Variants in STK35 observed in about 807,000 individuals in gnomAD.
The protein encoded by STK35 is serine/threonine kinase 35, also known as serine/threonine-protein kinase 35.
STK35 carries 17 observed loss-of-function variants against 37.3 expected under a neutral mutation model. The observed-to-expected ratio is 0.46, with a 90% CI of 0.31 to 0.68. STK35 has a LOEUF of 0.68. Among genes scored for constraint, STK35 ranks in the 30% least tolerant of loss-of-function variants. STK35 has a pLI of 0.05. For synonymous variants in STK35, 385 were observed against 319.1 expected (o/e 1.21, Z -2.20); for missense variants, 595 against 746.7 (o/e 0.80, Z 2.37).
intron 3 of STK35, among the ~76,000 whole-genome samples, chr20:2,129,604 A>T (rs959429150): frequency 2.6e-5 from 4 of 152,194 alleles, no homozygotes; most frequent in African/African-American, 9.7e-5. Flanking sequence ...TATTAATAAC[A>T]CATGGGTGAA....
At chr20:2,106,015 G>A (rs1410966408) in intron 2 of STK35, among the ~76,000 whole-genome samples, 3 of 152,198 alleles carry the variant, frequency 2.0e-5, no homozygotes, top group African/African-American at 7.2e-5. Context: ...ACAGAGCAGT[G>A]AAGAAAATAT....
Position 2,117,237 on chromosome 20 carries a change from G to A in STK35, c.1464G>A (p.Leu488=). The A allele has an allele frequency of 1.2e-6, 2 of 1,614,126 alleles. No individual in the cohort carries two copies. Among genetic ancestry groups the A allele is most frequent in the Non-Finnish European group, 1.7e-6 (2 of 1,180,022 alleles). ...EALLENPKME[L]HIPQKRRTSM... is the part of the protein sequence containing the mutation. ...TGCTAGAAAACCCAAAGATGGAGTT[G>A]CACATCCCCCAAAAACGCAGGACTT... Residue 488 remains leucine (L), a synonymous_variant, in exon 3 of 4, where the codon TTG becomes TTA. Coordinates refer to ENST00000381482, the MANE Select transcript of STK35 (RefSeq NM_080836.4). This position sits in a 1 kb window ranked among gnomAD's most constrained non-coding sequence, Gnocchi z 4.4.
rs759747234 is a variant in STK35 at position 2,116,953 on chromosome 20, C to T, written c.1180C>T (p.Arg394Ter). The T allele has an allele frequency of 2.5e-6, 4 of 1,613,944 alleles. No individual in the cohort carries two copies. The highest frequency in any genetic ancestry group is 3.4e-6 in the Non-Finnish European group (4 of 1,180,022). ...LSKVCAGLAP[R>*]GKEGNQDNKN... ...CAAGGTCTGTGCTGGGCTGGCACCC[C>T]GAGGCAAAGAGGGCAATCAAGACAA... Residue 394 changes from arginine to a stop codon, truncating the protein, a stop_gained, in exon 3 of 4, where the codon CGA becomes TGA. Transcript: ENST00000381482. LOFTEE classifies it high-confidence loss of function.
chr20:2,130,788 C>A (rs1047055925), intron 3 of STK35, among the ~76,000 whole-genome samples: 1 of 152,098 alleles, frequency 6.6e-6, no homozygotes, highest in Non-Finnish European at 1.5e-5. Context: ...TGCAAGCACC[C>A]GGAGCTGAGG....
chr20:2,124,321 G>A (rs541973523), intron 3 of STK35, among the ~76,000 whole-genome samples: 1 of 152,246 alleles, frequency 6.6e-6, no homozygotes, highest in East Asian at 1.9e-4. Flanking sequence ...GTAGAAGCAA[G>A]GAAGGTTCTT....
At position 2,103,142 on chromosome 20, in the gene STK35, C is replaced by A. The variant is rs759547341; in HGVS notation, c.669C>A (p.Arg223=). The A allele has an allele frequency of 1.2e-6, 2 of 1,604,880 alleles. No individual in the cohort carries two copies. The highest frequency in any genetic ancestry group is 3.3e-5 in the Admixed American group (2 of 59,784). The part of the protein sequence containing the change: ...YGVVYEAVAG[R]SGARVAVKKI... ...TGGTTTATGAGGCAGTGGCCGGGCG[C>A]AGCGGGGCCCGGGTGGCGGTCAAGA... Residue 223 remains arginine (R), a synonymous_variant, in exon 2 of 4, where the codon CGC becomes CGA. Coordinates refer to ENST00000381482, the MANE Select transcript of STK35 (RefSeq NM_080836.4).
At position 2,102,978 on chromosome 20, in the gene STK35, G is replaced by T; in HGVS notation, c.505G>T (p.Ala169Ser). The T allele has an allele frequency of 7.1e-7, 1 of 1,417,990 alleles. No individual in the cohort carries two copies. Among genetic ancestry groups the T allele is most frequent in the East Asian group, 3.0e-5 (1 of 33,094 alleles). The allele number at this position is 1,417,990 out of a possible 1,614,324, so 87.8% of individuals were successfully genotyped here. A position where few individuals can be genotyped will look rare whatever the true frequency, so the allele number is the denominator to read the frequency against. The change falls in exon 2 of 4, where the codon GCG becomes TCG. Residue 169 changes from alanine (A) to serine (S), a missense_variant. Ala to Ser is a moderately conservative substitution (Grantham distance 99, BLOSUM62 1). Around this residue, in one of 3 missense-constraint regions of STK35, gnomAD observed 389 missense variants for 320.0 expected, o/e 1.22. Transcript: ENST00000381482. ...CAGCACGAAGCTGAGGCCGGCGGCG[G>T]CGGCCCGGGCCATGGATCCGGTGGC... is the stretch of plus-strand genomic sequence containing the variant. ...APSTKLRPAAAARAMDPVAAE... is the reference protein window; with the variant it reads ...APSTKLRPAASARAMDPVAAE...
chr20:2,127,029 C>A (rs1175240980), intron 3 of STK35, among the ~76,000 whole-genome samples: 1 of 152,088 alleles, frequency 6.6e-6, no homozygotes, highest in Non-Finnish European at 1.5e-5. Context: ...TTGGGGAAGT[C>A]GCCTTATGAA....
In STK35 at chr20:2,117,003, C is replaced by G. The variant is rs367951316; in HGVS notation, c.1230C>G (p.Tyr410Ter). ...QDNKNVNVNK[Y>*]WLSSACGSDF... is the part of the protein sequence containing the mutation. ...ACAAAAATGTGAATGTGAATAAGTA[C>G]TGGCTGTCCTCAGCCTGCGGTTCGG... is the stretch of plus-strand genomic sequence containing the variant. Residue 410 changes from tyrosine (Y) to a stop codon, truncating the protein, a stop_gained, in exon 3 of 4, where the codon TAC becomes TAG. Coordinates refer to ENST00000381482, the MANE Select transcript of STK35 (RefSeq NM_080836.4). LOFTEE classifies it high-confidence loss of function. The surrounding 1 kb of genome is among the most constrained non-coding windows in gnomAD (Gnocchi z 4.4). 6.2e-7 allele frequency: 1 copy of G among 1,614,198 alleles called. No homozygotes were observed. Among genetic ancestry groups the G allele is most frequent in the Non-Finnish European group, 8.5e-7 (1 of 1,180,038 alleles).
chr20:2,139,126 A>C (rs1023460156), intron 3 of STK35, among the ~76,000 whole-genome samples: 3 of 152,214 alleles, frequency 2.0e-5, no homozygotes, highest in Non-Finnish European at 4.4e-5. Flanking sequence ...CTGTGCCTGC[A>C]GGCTGAGGAG....
intron 2 of STK35, among the ~76,000 whole-genome samples, chr20:2,110,690 G>A (rs928568658): frequency 2.6e-5 from 4 of 152,152 alleles, no homozygotes; most frequent in African/African-American, 9.7e-5. Flanking sequence ...TTGCTGAATT[G>A]CTGAAGTGTG....
At chr20:2,114,186 G>A (rs1328508004) in intron 2 of STK35, among the ~76,000 whole-genome samples, 1 of 152,098 alleles carries the variant, frequency 6.6e-6, no homozygotes, top group African/African-American at 2.4e-5. Flanking sequence ...GGGAGTTCGT[G>A]TGTGAAAGCA....
chr20:2,104,076 G>A (rs1985466125), intron 2 of STK35, among the ~76,000 whole-genome samples: 1 of 152,240 alleles, frequency 6.6e-6, no homozygotes, highest in Non-Finnish European at 1.5e-5. Context: ...TGGCTGGGAA[G>A]TGGTTTTACT....
Position 2,146,962 on chromosome 20 carries a change from G to A in STK35, c.*3216G>A, listed in dbSNP as rs1346365692. 1 of 152,596 alleles carries A rather than the reference G, an allele frequency of 6.6e-6. No individual in the cohort carries two copies. The highest frequency in any genetic ancestry group is 1.5e-5 in the Non-Finnish European group (1 of 68,088). 9.5% of individuals were successfully genotyped at this position (152,596 alleles called of 1,614,324 possible). On this transcript the variant is annotated 3_prime_UTR_variant, in exon 4 of 4. Coordinates refer to ENST00000381482, the MANE Select transcript of STK35 (RefSeq NM_080836.4). ...GCCTCGTCTCGTCCCAGAGGCATTG[G>A]ATCAGGAGAATGGGAATTTTTTTCC...
At chr20:2,110,947 T>C (rs1985605618) in intron 2 of STK35, among the ~76,000 whole-genome samples, 1 of 152,224 alleles carries the variant, frequency 6.6e-6, no homozygotes, top group Non-Finnish European at 1.5e-5. Flanking sequence ...ACTTAATCTT[T>C]TGCTCCTGAG....
intron 3 of STK35, among the ~76,000 whole-genome samples, chr20:2,137,878 C>T (rs1986112458): frequency 6.6e-6 from 1 of 152,190 alleles, no homozygotes; most frequent in Non-Finnish European, 1.5e-5. Flanking sequence ...GAATGACTAA[C>T]CCCACTTAGA....
In STK35 at chr20:2,102,802, G is replaced by C; in HGVS notation, c.329G>C (p.Arg110Thr). 9 of 1,503,380 alleles carry C rather than the reference G, an allele frequency of 6.0e-6. No homozygotes were observed. Among genetic ancestry groups the C allele is most frequent in the Non-Finnish European group, 7.1e-6 (8 of 1,130,740 alleles). 93.1% of individuals were successfully genotyped at this position (1,503,380 alleles called of 1,614,324 possible). A position where few individuals can be genotyped will look rare whatever the true frequency, so the allele number is the denominator to read the frequency against. ...TIQGPAPPRPRAGRRDEAGGA... is the reference protein window; with the variant it reads ...TIQGPAPPRPTAGRRDEAGGA... The stretch of plus-strand genomic sequence containing the variant: ...CAAGGTCCGGCTCCTCCGCGTCCCA[G>C]GGCCGGACGGAGGGATGAGGCAGGG... Residue 110 changes from arginine (R) to threonine (T), a missense_variant, in exon 2 of 4, where the codon AGG (arginine) becomes ACG (threonine). Transcript: ENST00000381482.
At chr20:2,130,035 A>C (rs1377873335) in intron 3 of STK35, among the ~76,000 whole-genome samples, 3 of 152,064 alleles carry the variant, frequency 2.0e-5, no homozygotes, top group African/African-American at 7.2e-5. Flanking sequence ...CTGAAATCGG[A>C]AGGTAGGAAG....
chr20:2,118,205 CTG>C (rs1020952188), intron 3 of STK35, among the ~76,000 whole-genome samples: 2 of 152,196 alleles, frequency 1.3e-5, no homozygotes, highest in African/African-American at 2.4e-5. Flanking sequence ...TTTTCAGGGA[CTG>C]TATGACATTC....
Sources: allele counts gnomAD v4.1 joint callset (sites outside exome capture counted in the v4.1 genomes callset), GRCh38; gene constraint gnomAD v4.1.1; regional missense constraint gnomAD v4.1.1; non-coding constraint Gnocchi (gnomAD v3.1); transcripts MANE v1.5; gene names NCBI Gene and HGNC (gene_info 2026-07-23, HGNC 2026-07-21).